HEATR5B: variants seen among roughly 807,000 people sequenced by gnomAD.
The protein encoded by HEATR5B is HEAT repeat-containing protein 5B.
In HEATR5B, 156 loss-of-function variants were observed where a neutral mutation model predicts 224.1. That is an observed-to-expected ratio of 0.70 (90% CI 0.61 to 0.80). The LOEUF (loss-of-function observed/expected upper bound fraction) is 0.80. Ranked by LOEUF, HEATR5B falls within the 30% of genes least tolerant of loss-of-function variation. The probability of loss-of-function intolerance (pLI) is 0.00; values close to 1 mark genes in which losing one functional copy is unlikely to be tolerated. For missense variants in HEATR5B, 2,323 were observed against 2,535.5 expected, an observed-to-expected ratio of 0.92 and a Z score of 1.80; for synonymous variants, 1,027 against 893.0, an observed-to-expected ratio of 1.15 and a Z score of -2.68.
Position 37,079,181 on chromosome 2 carries a change from CAAGTGTCTGAAAAACTGTGA to C in HEATR5B, c.257_276del (p.Phe86Ter), listed in dbSNP as rs751105517. The C allele has an allele frequency of 6.2e-7, 1 of 1,611,192 alleles. No individual in the cohort carries two copies. The highest frequency in any genetic ancestry group is 8.5e-7 in the Non-Finnish European group (1 of 1,177,828). On this transcript the variant is annotated frameshift_variant, in exon 3 of 36. Coordinates refer to ENST00000233099, the MANE Select transcript of HEATR5B (RefSeq NM_019024.3). LOFTEE classifies it high-confidence loss of function. ...TTTCTGATAATGTCATTGCATTTAT[CAAGTGTCTGAAAAACTGTGA>C]AAGTATCCCCAATGCTATAAAGGGC...
At position 37,024,134 on chromosome 2, in the gene HEATR5B, G is replaced by C. The variant is rs535196419; in HGVS notation, c.3854-3298C>G. On this transcript the variant is annotated intron_variant, in intron 24 of 35. Coordinates refer to ENST00000233099, the MANE Select transcript of HEATR5B (RefSeq NM_019024.3). ...GATGAACTTGGAGGCATTAGGTTAA[G>C]TGAAATATGTCAGGCACAGAAAAAT... Among the ~76,000 whole-genome samples the C allele has an allele frequency of 3.3e-5, 5 of 152,330 alleles. No individual in the cohort carries two copies. The South Asian group carries it at 1.0e-3, about 32-fold the overall frequency.
At chr2:36,987,659 T>A (rs1666037387) in intron 35 of HEATR5B, among the ~76,000 whole-genome samples, 1 of 152,140 alleles carries the variant, frequency 6.6e-6, no homozygotes, top group South Asian at 2.1e-4. Flanking sequence ...TTAAAAAAAA[T>A]TCTAAATAAC....
rs146627449 is a variant in HEATR5B at position 37,021,358 on chromosome 2, C to G, written c.3854-522G>C. Among the ~76,000 whole-genome samples, 689 of 152,262 alleles carry G rather than the reference C, an allele frequency of 4.5e-3. 5 individuals carry two copies. The highest frequency in any genetic ancestry group is 0.014 in the African/African-American group (572 of 41,542). The stretch of plus-strand genomic sequence containing the variant: ...CAATGATAGAAGGCCAAAAATCTTC[C>G]TAAATGGCCTCCTCTCACAAATTGC... On this transcript the variant is annotated intron_variant, in intron 24 of 35. Coordinates refer to ENST00000233099, the MANE Select transcript of HEATR5B (RefSeq NM_019024.3).
intron 2 of HEATR5B, among the ~76,000 whole-genome samples, chr2:37,080,112 G>C (rs1411574630): frequency 6.6e-6 from 1 of 152,186 alleles, no homozygotes; most frequent in African/African-American, 2.4e-5. Context: ...AGCATTCTTA[G>C]CATCCTTAAA....
chr2:37,019,759 T>G, intron 26 of HEATR5B, 50 bp downstream of exon 26: 1 of 1,248,686 alleles, frequency 8.0e-7, no homozygotes, highest in Non-Finnish European at 1.2e-6. Flanking sequence ...TTCTAAGATA[T>G]CTATGAATGT....
intron 25 of HEATR5B, among the ~76,000 whole-genome samples, chr2:37,020,148 A>G (rs916651627): frequency 3.3e-5 from 5 of 152,070 alleles, no homozygotes; most frequent in Non-Finnish European, 5.9e-5. Context: ...CAAATGATCC[A>G]CCCACCTCGG....
intron 22 of HEATR5B, among the ~76,000 whole-genome samples, chr2:37,031,088 T>C (rs995546536): frequency 2.0e-5 from 3 of 152,234 alleles, no homozygotes; most frequent in Non-Finnish European, 4.4e-5. Context: ...GAGAATACAT[T>C]ACACACATGC....
At position 37,005,646 on chromosome 2, in the gene HEATR5B, T is replaced by TA; in HGVS notation, c.4890dup (p.Ile1631TyrfsTer10). 1.5e-5 allele frequency: 25 copies of TA among 1,613,624 alleles called. No homozygotes were observed. The highest frequency in any genetic ancestry group is 2.1e-5 in the Non-Finnish European group (25 of 1,179,680). ...ATACACTGTACCTGATCTTCTGCAA[T>TA]ATGGACTCGAGCATAAGGGGAGTCT... On this transcript the variant is annotated frameshift_variant, in exon 30 of 36. Transcript: ENST00000233099. LOFTEE classifies it high-confidence loss of function.
At chr2:37,070,563 G>GA (rs1336174025) in intron 6 of HEATR5B, among the ~76,000 whole-genome samples, 176 bp from the exon 7 acceptor site, 2 of 151,838 alleles carry the variant, frequency 1.3e-5, no homozygotes, top group Non-Finnish European at 2.9e-5. Flanking sequence ...AATTCCAAAG[G>GA]AAAAAATGCT....
chr2:36,993,754 T>C (rs1666499082), intron 33 of HEATR5B, among the ~76,000 whole-genome samples: 1 of 152,112 alleles, frequency 6.6e-6, no homozygotes, highest in Non-Finnish European at 1.5e-5. Context: ...GTCTTAGTTA[T>C]ATGATGTGCT....
chr2:37,005,117 A>T (rs1647458524), intron 30 of HEATR5B, among the ~76,000 whole-genome samples: 1 of 152,198 alleles, frequency 6.6e-6, no homozygotes. Context: ...GTCCAGCCTC[A>T]TCTAACAACC....
intron 3 of HEATR5B, among the ~76,000 whole-genome samples, chr2:37,077,276 C>A (rs1188557383): frequency 6.6e-6 from 1 of 151,952 alleles, no homozygotes; most frequent in Non-Finnish European, 1.5e-5. Context: ...CATAATAAAT[C>A]ATACCCATTC....
chr2:37,031,720 T>C (rs1014015307), intron 22 of HEATR5B, among the ~76,000 whole-genome samples: 12 of 152,228 alleles, frequency 7.9e-5, no homozygotes, highest in Admixed American at 7.2e-4. Context: ...TCTTATGCTA[T>C]GCTACAATTG....
rs766741598 is a variant in HEATR5B, at chr2:37,068,739, G to A, written c.1119C>T (p.Ala373=). The A allele has an allele frequency of 1.2e-6, 2 of 1,614,058 alleles. No homozygotes were observed. Among genetic ancestry groups the A allele is most frequent in the Non-Finnish European group, 1.7e-6 (2 of 1,180,010 alleles). ...AGATTTCTTTGGCAGCTGCAATCTG[G>A]GCTTTTTCACCTAGCAAACTGCCCA... ...ATVGSLLGEK[A]QIAAAKEICQ... Residue 373 remains alanine, a synonymous_variant, in exon 8 of 36, where the codon GCC becomes GCT. Coordinates refer to ENST00000233099, the MANE Select transcript of HEATR5B (RefSeq NM_019024.3).
chr2:37,054,506 C>T (rs112875145), intron 16 of HEATR5B, among the ~76,000 whole-genome samples: 1,081 of 61,442 alleles, frequency 0.018, no homozygotes, highest in Middle Eastern at 0.14. Flanking sequence ...TTTTTTGAGA[C>T]TGAGTTTCGC....
intron 31 of HEATR5B, 61 bp from the exon 32 acceptor site, chr2:37,002,633 A>T: frequency 6.6e-7 from 1 of 1,522,522 alleles, no homozygotes; most frequent in Non-Finnish European, 9.0e-7. Context: ...AAACAACACA[A>T]GTATATTTAG....
chr2:37,080,520 A>G (rs1672489056), intron 2 of HEATR5B, among the ~76,000 whole-genome samples: 1 of 152,158 alleles, frequency 6.6e-6, no homozygotes, highest in Non-Finnish European at 1.5e-5. Context: ...TGAGAAAAAG[A>G]GGGAAGTCAA....
intron 35 of HEATR5B, among the ~76,000 whole-genome samples, chr2:36,987,419 T>C (rs1666023113): frequency 2.2e-5 from 2 of 90,698 alleles, no homozygotes; most frequent in South Asian, 3.0e-4. Context: ...AGACTTTGTT[T>C]CAAAAAAAAA....
chr2:37,010,404 A>G (rs1667712509), intron 27 of HEATR5B, among the ~76,000 whole-genome samples: 1 of 152,184 alleles, frequency 6.6e-6, no homozygotes, highest in African/African-American at 2.4e-5. Flanking sequence ...GAGAAAATAT[A>G]CAGCAATTGA....
Sources: gnomAD v4.1 joint callset for allele counts (sites outside exome capture counted in the v4.1 genomes callset) on GRCh38, gnomAD v4.1.1 for gene constraint, MANE v1.5 for transcripts, NCBI Gene and HGNC (gene_info 2026-07-23, HGNC 2026-07-21) for gene names.